The following RYR3 variants were observed in gnomAD, a reference collection of about 807,000 sequenced individuals.
The protein encoded by RYR3 is brain ryanodine receptor-calcium release channel.
In RYR3, 207 loss-of-function variants were observed where a neutral mutation model predicts 584.3. That is an observed-to-expected ratio of 0.35 (90% CI 0.32 to 0.40). The LOEUF is 0.40. Ranked by LOEUF, RYR3 falls within the 10% of genes least tolerant of loss-of-function variation. RYR3 has a pLI of 1.00. For missense variants in RYR3, 5,616 were observed against 6,089.2 expected, an observed-to-expected ratio of 0.92 and a Z score of 2.59; for synonymous variants, 2,416 against 2,248.5, an observed-to-expected ratio of 1.07 and a Z score of -2.11.
intron 1 of RYR3, among the ~76,000 whole-genome samples, chr15:33,410,568 G>A (rs1465898548): frequency 6.6e-6 from 1 of 152,234 alleles, no homozygotes; most frequent in South Asian, 2.1e-4. Flanking sequence ...GCAATGAGAA[G>A]TCTGTGTGTA....
intron 3 of RYR3, among the ~76,000 whole-genome samples, chr15:33,517,431 C>A (rs1467828449): frequency 6.6e-6 from 1 of 152,228 alleles, no homozygotes; most frequent in Non-Finnish European, 1.5e-5. Flanking sequence ...TGTAATGTAA[C>A]CTAAATGTAC....
At chr15:33,640,955 A>G (rs867556178) in intron 27 of RYR3, among the ~76,000 whole-genome samples, 1 of 152,148 alleles carries the variant, frequency 6.6e-6, no homozygotes, top group Non-Finnish European at 1.5e-5. Flanking sequence ...CTTCTTTATG[A>G]CAGATAGTAA....
intron 1 of RYR3, among the ~76,000 whole-genome samples, chr15:33,349,249 A>G (rs1972882720): frequency 6.6e-6 from 1 of 152,040 alleles, no homozygotes; most frequent in Non-Finnish European, 1.5e-5. Context: ...TGATTCACAT[A>G]CACGTTTTGT....
intron 16 of RYR3, among the ~76,000 whole-genome samples, chr15:33,600,901 AC>A: frequency 6.6e-6 from 1 of 152,102 alleles, no homozygotes; most frequent in Non-Finnish European, 1.5e-5. Flanking sequence ...TTTTGTTAAG[AC>A]CTCCGCTAAT....
At chr15:33,339,607 C>T (rs1567054102) in intron 1 of RYR3, among the ~76,000 whole-genome samples, 1 of 151,938 alleles carries the variant, frequency 6.6e-6, no homozygotes, top group Non-Finnish European at 1.5e-5. Flanking sequence ...TTGCCATTAC[C>T]GGCCGGGCGC....
chr15:33,748,574 C>A, intron 55 of RYR3, 44 bp downstream of exon 55: 2 of 1,484,782 alleles, frequency 1.3e-6, no homozygotes, highest in Non-Finnish European at 1.9e-6. Flanking sequence ...AAGTGCAGGA[C>A]GCATTACCTT....
intron 16 of RYR3, among the ~76,000 whole-genome samples, chr15:33,594,461 T>C (rs2059278761): frequency 6.6e-6 from 1 of 152,148 alleles, no homozygotes; most frequent in African/African-American, 2.4e-5. Flanking sequence ...AGCTTAAAGG[T>C]TTTCTTAACT....
intron 38 of RYR3, among the ~76,000 whole-genome samples, chr15:33,694,253 T>G (rs928077943): frequency 3.3e-5 from 5 of 152,004 alleles, no homozygotes; most frequent in Admixed American, 2.6e-4. Flanking sequence ...AGTTTTTGTT[T>G]TTTTTTTTTC....
In RYR3 at chr15:33,840,869, A is replaced by C; in HGVS notation, c.13023A>C (p.Glu4341Asp). The C allele has an allele frequency of 6.2e-7, 1 of 1,613,934 alleles. No homozygotes were observed. Among genetic ancestry groups the C allele is most frequent in the Non-Finnish European group, 8.5e-7 (1 of 1,179,860 alleles). ...KAANEAEGKV[E>D]SEKADMEDGE... is the part of the protein sequence containing the mutation. ...CAAATGAAGCAGAAGGAAAAGTAGA[A>C]TCCGAGAAGGCAGAGTAAGTTCTTG... Residue 4341 changes from glutamate (E) to aspartate (D), a missense_variant, in exon 90 of 104, where the codon GAA becomes GAC. This residue lies in a region of RYR3 where 918 missense variants were observed against 887.4 expected (regional missense o/e 1.03). Coordinates refer to ENST00000634891, the MANE Select transcript of RYR3 (RefSeq NM_001036.6).
At chr15:33,349,591 A>G (rs1972937691) in intron 1 of RYR3, among the ~76,000 whole-genome samples, 1 of 133,724 alleles carries the variant, frequency 7.5e-6, no homozygotes, top group South Asian at 2.6e-4. Flanking sequence ...TTTTTTCTTC[A>G]GATTTTTTTT....
At chr15:33,582,714 A>C (rs533034654) in intron 14 of RYR3, among the ~76,000 whole-genome samples, 2 of 152,322 alleles carry the variant, frequency 1.3e-5, no homozygotes, top group East Asian at 3.9e-4. Flanking sequence ...GAGACCCAGC[A>C]GTCTAACTCC....
intron 1 of RYR3, among the ~76,000 whole-genome samples, chr15:33,345,233 A>G (rs915052122): frequency 6.6e-6 from 1 of 152,204 alleles, no homozygotes; most frequent in East Asian, 1.9e-4. Context: ...TATGCACTAA[A>G]TAAATATTTA....
rs775648968 is a variant in RYR3, at chr15:33,844,945, G to A, written c.13380G>A (p.Ala4460=). The change falls in exon 93 of 104, where the codon GCG becomes GCA. Residue 4460 remains alanine (A), a synonymous_variant. Coordinates refer to ENST00000634891, the MANE Select transcript of RYR3 (RefSeq NM_001036.6). ...TTAATGACGAGGAAGAGGAAGAAGCGATGGTATTCTTTGTCCTTCAGGAGA... is the reference window on the plus strand; with the variant it reads ...TTAATGACGAGGAAGAGGAAGAAGCAATGGTATTCTTTGTCCTTCAGGAGA... ...NSFNDEEEEE[A]MVFFVLQEST... 43 of 1,613,852 alleles carry A rather than the reference G, an allele frequency of 2.7e-5. No individual in the cohort carries two copies. Among genetic ancestry groups the A allele is most frequent in the South Asian group, 9.9e-5 (9 of 91,084 alleles).
At chr15:33,360,736 G>A (rs539919319) in intron 1 of RYR3, among the ~76,000 whole-genome samples, 7 of 152,246 alleles carry the variant, frequency 4.6e-5, no homozygotes, top group African/African-American at 9.6e-5. Context: ...CAGCCAGTGT[G>A]TTGGAGTGGG....
At position 33,801,959 on chromosome 15, in the gene RYR3, A is replaced by G. The variant is rs2075940794; in HGVS notation, c.10009A>G (p.Lys3337Glu). Residue 3337 changes from lysine (K) to glutamate (E), a missense_variant and splice_region_variant, in exon 69 of 104, where the codon AAA becomes GAA. This residue lies in a region of RYR3 where 954 missense variants were observed against 1,132.2 expected (regional missense o/e 0.84). Transcript: ENST00000634891. ...TGGAGACAGCAAAAGCAAGATGTCA[A>G]AAGTAAGTCCTTAGAAATCAATTCC... ...LTGDSKSKMSKAMQVKSGGQD... is the reference protein window; with the variant it reads ...LTGDSKSKMSEAMQVKSGGQD... 2 of 1,563,370 alleles carry G rather than the reference A, an allele frequency of 1.3e-6. No homozygotes were observed. The highest frequency in any genetic ancestry group is 1.8e-6 in the Non-Finnish European group (2 of 1,136,724).
rs535938712 is a variant in RYR3 at position 33,652,858 on chromosome 15, G to C, written c.4283G>C (p.Gly1428Ala). Residue 1428 changes from glycine to alanine, a missense_variant, in exon 32 of 104, where the codon GGA becomes GCA. Gly to Ala is a moderately conservative substitution (Grantham distance 60). This residue lies in a region of RYR3 where 753 missense variants were observed against 741.0 expected (regional missense o/e 1.02). Coordinates refer to ENST00000634891, the MANE Select transcript of RYR3 (RefSeq NM_001036.6). Reference sequence around the variant, plus strand: ...GGCATGTTGTCCTTCTCAGCCAATGGAAAGGAACTGGGCACCTGCTACCAG... The same window carrying C: ...GGCATGTTGTCCTTCTCAGCCAATGCAAAGGAACTGGGCACCTGCTACCAG... The part of the protein sequence containing the change: ...AMGMLSFSAN[G>A]KELGTCYQVE... 1.2e-6 allele frequency: 2 copies of C among 1,612,866 alleles called. No homozygotes were observed. Among genetic ancestry groups the C allele is most frequent in the South Asian group, 2.2e-5 (2 of 90,872 alleles).
intron 43 of RYR3, among the ~76,000 whole-genome samples, chr15:33,707,352 T>G (rs1332653317): frequency 2.0e-5 from 3 of 152,152 alleles, no homozygotes; most frequent in African/African-American, 7.2e-5. Context: ...GGGGGCCTTA[T>G]GAATATCATC....
chr15:33,714,671 C>T (rs2067369109), intron 43 of RYR3, among the ~76,000 whole-genome samples: 1 of 152,182 alleles, frequency 6.6e-6, no homozygotes, highest in Admixed American at 6.6e-5. Flanking sequence ...GATATCTTCC[C>T]CAGACTACAA....
At chr15:33,663,784 G>C (rs1182298559) in intron 36 of RYR3, 47 bp downstream of exon 36, 1 of 1,506,150 alleles carries the variant, frequency 6.6e-7, no homozygotes, top group South Asian at 1.2e-5. Context: ...GGAAGAACTT[G>C]AGACCTATGG....
Sources: allele counts gnomAD v4.1 joint callset (sites outside exome capture counted in the v4.1 genomes callset), GRCh38; gene constraint gnomAD v4.1.1; regional missense constraint gnomAD v4.1.1; transcripts MANE v1.5; gene names NCBI Gene and HGNC (gene_info 2026-07-23, HGNC 2026-07-21).